Variants in DEF6 observed in about 807,000 individuals in gnomAD.
DEF6 encodes differentially expressed in FDCP 6 homolog.
DEF6 carries 32 observed loss-of-function variants against 80.5 expected under a neutral mutation model. The ratio of observed to expected loss-of-function variants is 0.40; its 90% CI spans 0.30 to 0.53. The LOEUF (loss-of-function observed/expected upper bound fraction) is 0.53. Ranked by LOEUF, DEF6 falls within the 20% of genes least tolerant of loss-of-function variation. DEF6 has a pLI of 0.57. For missense variants in DEF6, 575 were observed against 818.7 expected (o/e 0.70, Z 3.63); for synonymous variants, 300 against 337.9 (o/e 0.89, Z 1.23).
intron 1 of DEF6, among the ~76,000 whole-genome samples, chr6:35,301,681 A>G (rs1791315719): frequency 6.6e-6 from 1 of 151,126 alleles, no homozygotes; most frequent in Admixed American, 6.6e-5. Context: ...ATGCTTTTCT[A>G]GTAACCCACT....
In DEF6 at chr6:35,318,804, A is replaced by G. The variant is rs1296716970; in HGVS notation, c.1215+333A>G. Among the ~76,000 whole-genome samples, 7 of 152,086 alleles carry G rather than the reference A, an allele frequency of 4.6e-5. No individual in the cohort carries two copies. The highest frequency in any genetic ancestry group is 1.7e-4 in the African/African-American group (7 of 41,376). ...GCCGTTGAAGACCGTGTGATTGGGG[A>G]TTAGACTGGACCAAGTTTGGACTAG... is the stretch of plus-strand genomic sequence containing the variant. On this transcript the variant is annotated intron_variant, in intron 7 of 10. Coordinates refer to ENST00000316637, the MANE Select transcript of DEF6 (RefSeq NM_022047.4). The surrounding 1 kb of genome is among the most constrained non-coding windows in gnomAD (Gnocchi z 5.1).
chr6:35,312,919 C>T lies in DEF6; in HGVS notation c.807+147C>T. ...TTAGATTAGTGTGACCCAAATATAT[C>T]CGGATGCCTCAAGGCCATTCTCATC... On this transcript the variant is annotated intron_variant, in intron 5 of 10. Transcript: ENST00000316637. This position sits in a 1 kb window ranked among gnomAD's most constrained non-coding sequence, Gnocchi z 6.6. 1.0e-6 allele frequency: 1 copy of T among 955,630 alleles called. No homozygotes were observed. The highest frequency in any genetic ancestry group is 1.5e-6 in the Non-Finnish European group (1 of 651,984). The allele number at this position is 955,630 out of a possible 1,614,324, so 59.2% of individuals were successfully genotyped here. A position where few individuals can be genotyped will look rare whatever the true frequency, so the allele number is the denominator to read the frequency against.
chr6:35,312,412 G>C lies in DEF6; in HGVS notation c.534G>C (p.Gly178=), dbSNP rs770090116. 2.0e-5 allele frequency: 33 copies of C among 1,614,174 alleles called. 1 individual carries two copies. The South Asian group carries it at 3.4e-4, about 17-fold the overall frequency. ...CCCAGGTGGCCCAGACCACCGGGGGGCTCAGCGTCTGGCAGTTCCTGGAGC... is the reference window on the plus strand; with the variant it reads ...CCCAGGTGGCCCAGACCACCGGGGGCCTCAGCGTCTGGCAGTTCCTGGAGC... ...QEAQVAQTTG[G]LSVWQFLELF... Residue 178 remains glycine, a synonymous_variant, in exon 4 of 11, where the codon GGG becomes GGC. Transcript: ENST00000316637. The surrounding 1 kb of genome is among the most constrained non-coding windows in gnomAD (Gnocchi z 6.6).
Position 35,319,207 on chromosome 6 carries a change from T to G in DEF6, c.1216-317T>G, listed in dbSNP as rs571926372. On this transcript the variant is annotated intron_variant, in intron 7 of 10. Coordinates refer to ENST00000316637, the MANE Select transcript of DEF6 (RefSeq NM_022047.4). The surrounding 1 kb of genome is among the most constrained non-coding windows in gnomAD (Gnocchi z 4.5). ...ATTATAATAATTATTAAGTTAGTGC[T>G]AGGAAGGAGATGACCATATTTTTAT... is the stretch of plus-strand genomic sequence containing the variant. Among the ~76,000 whole-genome samples the G allele has an allele frequency of 7.2e-5, 11 of 151,990 alleles. 4 individuals are homozygous for G. The highest frequency in any genetic ancestry group is 2.7e-4 in the African/African-American group (11 of 41,452).
intron 1 of DEF6, among the ~76,000 whole-genome samples, chr6:35,308,762 A>AAT (rs769590637): frequency 2.5e-3 from 350 of 137,912 alleles, no homozygotes; most frequent in African/African-American, 7.6e-3. Context: ...AATAAAATAA[A>AAT]AAACAGTTTT....
At chr6:35,311,567 C>T (rs985603115) in intron 3 of DEF6, among the ~76,000 whole-genome samples, 4 of 152,350 alleles carry the variant, frequency 2.6e-5, no homozygotes, top group African/African-American at 9.6e-5. Flanking sequence ...TCCATCTGCA[C>T]ATACACTTGG....
intron 1 of DEF6, 66 bp from the exon 2 acceptor site, chr6:35,309,604 A>G: frequency 6.4e-7 from 1 of 1,574,726 alleles, no homozygotes; most frequent in Non-Finnish European, 8.7e-7. Flanking sequence ...AGAGGTGGGG[A>G]GCAGTCCTCT....
At chr6:35,305,549 A>T (rs942990047) in intron 1 of DEF6, among the ~76,000 whole-genome samples, 14 of 149,716 alleles carry the variant, frequency 9.4e-5, no homozygotes, top group African/African-American at 3.2e-4. Flanking sequence ...GTTAGTGGTA[A>T]TTTTTTTTTT....
chr6:35,310,700 A>C, intron 3 of DEF6, 56 bp downstream of exon 3: 1 of 1,594,272 alleles, frequency 6.3e-7, no homozygotes, highest in Non-Finnish European at 8.6e-7. Context: ...CCTAAGCAAA[A>C]CCATGAATGA....
intron 1 of DEF6, among the ~76,000 whole-genome samples, chr6:35,305,449 C>CA (rs1344519522): frequency 2.0e-5 from 3 of 152,096 alleles, no homozygotes; most frequent in African/African-American, 7.2e-5. Flanking sequence ...GAAATCGTGA[C>CA]ACTGCACCCC....
Position 35,319,813 on chromosome 6 carries a change from C to T in DEF6, c.1383-6C>T, listed in dbSNP as rs374499364. On this transcript the variant is annotated splice_polypyrimidine_tract_variant and splice_region_variant and intron_variant, in intron 8 of 10. Transcript: ENST00000316637. This position sits in a 1 kb window ranked among gnomAD's most constrained non-coding sequence, Gnocchi z 4.5. ...AGAGGCTACACAGTACACACTCACC[C>T]GGCAGACTGCTGGAAGAGGAGGAAG... 262 of 1,599,710 alleles carry T rather than the reference C, an allele frequency of 1.6e-4. 1 individual carries two copies. The highest frequency in any genetic ancestry group is 2.5e-4 in the South Asian group (22 of 89,390).
intron 1 of DEF6, among the ~76,000 whole-genome samples, chr6:35,304,193 C>A (rs766557882): frequency 6.6e-6 from 1 of 152,142 alleles, no homozygotes; most frequent in African/African-American, 2.4e-5. Context: ...TGATGGCGCA[C>A]GCCTACAGTT....
chr6:35,299,289 C>A (rs1300086292), intron 1 of DEF6, among the ~76,000 whole-genome samples: 7 of 152,128 alleles, frequency 4.6e-5, no homozygotes, highest in African/African-American at 1.4e-4. Flanking sequence ...GGAAAAAAGT[C>A]GATCATCCAA....
Position 35,319,170 on chromosome 6 carries a change from ATAT to A in DEF6, c.1216-347_1216-345del, listed in dbSNP as rs1441589292. Among the ~76,000 whole-genome samples the A allele has an allele frequency of 4.6e-5, 7 of 152,010 alleles. No individual in the cohort carries two copies. The highest frequency in any genetic ancestry group is 3.9e-4 in the East Asian group (2 of 5,182). On this transcript the variant is annotated intron_variant, in intron 7 of 10. Transcript: ENST00000316637. This position sits in a 1 kb window ranked among gnomAD's most constrained non-coding sequence, Gnocchi z 4.5. ...TCCTAGCATCAGCCATGATTATAAC[ATAT>A]TATTATATATTATAATAATTATTAA...
chr6:35,309,693 G>A lies in DEF6; in HGVS notation c.120G>A (p.Thr40=), dbSNP rs775779844. The A allele has an allele frequency of 1.2e-5, 20 of 1,613,812 alleles. No individual in the cohort carries two copies. The highest frequency in any genetic ancestry group is 6.7e-5 in the Admixed American group (4 of 59,966). ...QLKVLSHNLY[T]VLHIPHDPVA... ...AGGTGCTGTCCCACAACCTGTACACGGTCCTGCACATCCCCCATGACCCCG... is the reference window on the plus strand; with the variant it reads ...AGGTGCTGTCCCACAACCTGTACACAGTCCTGCACATCCCCCATGACCCCG... Residue 40 remains threonine (T), a synonymous_variant, in exon 2 of 11, where the codon ACG becomes ACA. Transcript: ENST00000316637.
Position 35,312,375 on chromosome 6 carries a change from T to G in DEF6, c.497T>G (p.Leu166Arg). 1.2e-6 allele frequency: 2 copies of G among 1,614,176 alleles called. No individual in the cohort carries two copies. Among genetic ancestry groups the G allele is most frequent in the African/African-American group, 1.3e-5 (1 of 75,054 alleles). Residue 166 changes from leucine to arginine, a missense_variant, in exon 4 of 11, where the codon CTG becomes CGG. Transcript: ENST00000316637. This position sits in a 1 kb window ranked among gnomAD's most constrained non-coding sequence, Gnocchi z 6.6. Reference sequence around the variant, plus strand: ...AGCTTGGGTGAGCTGGAGGAGCTTCTGGCCCAGGAGGCCCAGGTGGCCCAG... The same window carrying G: ...AGCTTGGGTGAGCTGGAGGAGCTTCGGGCCCAGGAGGCCCAGGTGGCCCAG... ...EVSLGELEELLAQEAQVAQTT... is the reference protein window; with the variant it reads ...EVSLGELEELRAQEAQVAQTT...
chr6:35,298,863 G>A (rs979215272), intron 1 of DEF6, among the ~76,000 whole-genome samples: 9 of 152,146 alleles, frequency 5.9e-5, no homozygotes, highest in African/African-American at 1.7e-4. Context: ...AGTGCCCCTC[G>A]TGAGGCTCTG....
chr6:35,319,894 G>A lies in DEF6; in HGVS notation c.1458G>A (p.Arg486=), dbSNP rs1791568722. ...LKEEQERYIE[R]AQQEKEELQQ... ...AGGAGCAGGAGCGCTACATCGAACG[G>A]GCGCAGCAGGAGAAGGAAGAGCTGC... is the stretch of plus-strand genomic sequence containing the variant. Residue 486 remains arginine (R), a synonymous_variant, in exon 9 of 11, where the codon CGG becomes CGA. Coordinates refer to ENST00000316637, the MANE Select transcript of DEF6 (RefSeq NM_022047.4). This position sits in a 1 kb window ranked among gnomAD's most constrained non-coding sequence, Gnocchi z 4.5. The A allele has an allele frequency of 6.3e-7, 1 of 1,576,766 alleles. No homozygotes were observed. The highest frequency in any genetic ancestry group is 1.9e-5 in the Admixed American group (1 of 53,268).
intron 9 of DEF6, 70 bp downstream of exon 9, chr6:35,320,087 G>A (rs1791572769): frequency 1.4e-6 from 2 of 1,475,500 alleles, no homozygotes; most frequent in East Asian, 5.0e-5. Context: ...TCTGGAGCCA[G>A]GCTGCCTTCC....
Sources: gnomAD v4.1 joint callset for allele counts (sites outside exome capture counted in the v4.1 genomes callset) on GRCh38, gnomAD v4.1.1 for gene constraint, Gnocchi (gnomAD v3.1) non-coding constraint, MANE v1.5 for transcripts, NCBI Gene and HGNC (gene_info 2026-07-23, HGNC 2026-07-21) for gene names.